SRRM1: variants seen among roughly 807,000 people sequenced by gnomAD.
SRRM1 encodes serine and arginine repetitive matrix 1, also known as serine/arginine repetitive matrix protein 1.
Under a neutral mutation model 110.2 loss-of-function variants are expected in SRRM1, and 19 were observed. The observed-to-expected ratio is 0.17, with a 90% CI of 0.12 to 0.25. The LOEUF (loss-of-function observed/expected upper bound fraction) is 0.25. Among genes scored for constraint, SRRM1 ranks in the 10% least tolerant of loss-of-function variants. The pLI is 1.00. For synonymous variants in SRRM1, 443 were observed against 414.9 expected, an observed-to-expected ratio of 1.07 and a Z score of -0.82; for missense variants, 918 against 1,145.8, an observed-to-expected ratio of 0.80 and a Z score of 2.87.
At chr1:24,644,652 AT>A (rs1345836649) in intron 1 of SRRM1, among the ~76,000 whole-genome samples, 1 of 152,190 alleles carries the variant, frequency 6.6e-6, no homozygotes, top group African/African-American at 2.4e-5. Flanking sequence ...AAACAGTAAG[AT>A]ACTTATTTTG....
chr1:24,658,644 T>A (rs534375349), intron 9 of SRRM1, among the ~76,000 whole-genome samples: 1 of 152,344 alleles, frequency 6.6e-6, no homozygotes, highest in African/African-American at 2.4e-5. Flanking sequence ...GGACATGCAC[T>A]TTTTAACGAC....
intron 9 of SRRM1, 75 bp from the exon 10 acceptor site, chr1:24,660,644 A>T (rs942847587): frequency 1.9e-5 from 13 of 683,836 alleles, no homozygotes; most frequent in Middle Eastern, 4.2e-4. Flanking sequence ...ATAAATTTTT[A>T]AAAATTAAAA....
chr1:24,643,523 C>T (rs1655105971), intron 1 of SRRM1, 176 bp downstream of exon 1: 2 of 515,602 alleles, frequency 3.9e-6, no homozygotes, highest in Non-Finnish European at 6.5e-6. Flanking sequence ...ACCGGTGCGC[C>T]CCTGCGCAGT....
At chr1:24,645,926 A>T in intron 1 of SRRM1, 58 bp from the exon 2 acceptor site, 1 of 1,466,154 alleles carries the variant, frequency 6.8e-7, no homozygotes. Context: ...GTCGTAGGTG[A>T]TAAAAAGTAA....
At position 24,651,412 on chromosome 1, in the gene SRRM1, C is replaced by G. The variant is rs753954414; in HGVS notation, c.525C>G (p.Arg175=). 7 of 1,613,264 alleles carry G rather than the reference C, an allele frequency of 4.3e-6. No homozygotes were observed. Among genetic ancestry groups the G allele is most frequent in the Non-Finnish European group, 5.9e-6 (7 of 1,179,660 alleles). Residue 175 remains arginine (R), a synonymous_variant, in exon 6 of 17, where the codon CGC becomes CGG. Transcript: ENST00000323848. ...AAAAAAATTACTTTCATCCTAGACG[C>G]AAATCCAGATCTCCTTCCCCTAGAA... ...KRERSRSPRR[R]KSRSPSPRRR... is the part of the protein sequence containing the mutation.
At chr1:24,651,359 C>T in intron 5 of SRRM1, 50 bp from the exon 6 acceptor site, 8 of 1,487,654 alleles carry the variant, frequency 5.4e-6, no homozygotes, top group Non-Finnish European at 7.4e-6. Flanking sequence ...TGACTCCTCT[C>T]TTCCAATCCA....
At chr1:24,651,266 A>G (rs1660504249) in intron 5 of SRRM1, 143 bp from the exon 6 acceptor site, 6 of 646,646 alleles carry the variant, frequency 9.3e-6, no homozygotes, top group Non-Finnish European at 5.4e-6. Context: ...CAAGTAGATT[A>G]GGTTAGCATG....
chr1:24,646,101 A>C (rs779032319), intron 2 of SRRM1, 28 bp downstream of exon 2: 5 of 1,517,892 alleles, frequency 3.3e-6, no homozygotes, highest in Admixed American at 1.7e-5. Context: ...ACTGTTGTGC[A>C]TCTTTATAGC....
chr1:24,667,430 A>AGATATCTCT (rs1670550681), intron 13 of SRRM1, among the ~76,000 whole-genome samples: 2 of 152,234 alleles, frequency 1.3e-5, no homozygotes. Flanking sequence ...GGATACTGGC[A>AGATATCTCT]GATATCTCTT....
At chr1:24,656,835 A>G (rs1195214012) in intron 9 of SRRM1, among the ~76,000 whole-genome samples, 1 of 152,220 alleles carries the variant, frequency 6.6e-6, no homozygotes, top group Non-Finnish European at 1.5e-5. Flanking sequence ...GTACTTTTAA[A>G]AAGCATCTGC....
At chr1:24,644,945 A>G (rs1431982697) in intron 1 of SRRM1, among the ~76,000 whole-genome samples, 1 of 152,204 alleles carries the variant, frequency 6.6e-6, no homozygotes, top group Non-Finnish European at 1.5e-5. Context: ...TTTAGTACAC[A>G]GCCTACAATT....
chr1:24,668,134 G>A (rs1349297956), intron 13 of SRRM1, among the ~76,000 whole-genome samples: 3 of 151,822 alleles, frequency 2.0e-5, no homozygotes, highest in Admixed American at 2.0e-4. Context: ...ACCACACCCA[G>A]CCAGTTTTTG....
intron 9 of SRRM1, 121 bp downstream of exon 9, chr1:24,655,250 T>C (rs1663360497): frequency 8.9e-7 from 1 of 1,123,936 alleles, no homozygotes; most frequent in East Asian, 2.5e-5. Flanking sequence ...TATCTAATAC[T>C]CTCTGTAGGT....
rs372366094 is a variant in SRRM1, at chr1:24,669,402, C to T, written c.2019C>T (p.Ala673=). 3 of 1,614,126 alleles carry T rather than the reference C, an allele frequency of 1.9e-6. No individual in the cohort carries two copies. The highest frequency in any genetic ancestry group is 2.5e-6 in the Non-Finnish European group (3 of 1,180,030). ...GSSPSRSTRE[A]RSPQPNKRHS... ...CCCCAAGCCGCTCTACCCGGGAGGC[C>T]CGATCACCACAACCAAACAAACGGC... Residue 673 remains alanine (A), a synonymous_variant, in exon 14 of 17, where the codon GCC becomes GCT. Coordinates refer to ENST00000323848, the MANE Select transcript of SRRM1 (RefSeq NM_005839.4).
intron 6 of SRRM1, 32 bp downstream of exon 6, chr1:24,651,644 C>A: frequency 1.3e-6 from 2 of 1,515,500 alleles, no homozygotes; most frequent in Admixed American, 1.8e-5. Flanking sequence ...TATAAATAAT[C>A]ACAATTTTAG....
chr1:24,658,441 A>T (rs1223923511), intron 9 of SRRM1, among the ~76,000 whole-genome samples: 5 of 152,166 alleles, frequency 3.3e-5, no homozygotes, highest in Admixed American at 1.3e-4. Context: ...TCAGGATGCA[A>T]CTCCAGATGT....
At chr1:24,662,246 G>A (rs1249936033) in intron 11 of SRRM1, among the ~76,000 whole-genome samples, 1 of 152,104 alleles carries the variant, frequency 6.6e-6, no homozygotes, top group Admixed American at 6.5e-5. Context: ...TCAGGAGTTC[G>A]AGACCAGCCT....
intron 12 of SRRM1, among the ~76,000 whole-genome samples, chr1:24,663,391 T>G (rs1668227318): frequency 6.6e-6 from 1 of 152,212 alleles, no homozygotes; most frequent in Non-Finnish European, 1.5e-5. Context: ...ACACATTAGA[T>G]TAATGATAGG....
chr1:24,651,667 T>C, intron 6 of SRRM1, 55 bp downstream of exon 6: 1 of 1,284,470 alleles, frequency 7.8e-7, no homozygotes. Flanking sequence ...TAATAGTGAC[T>C]GCAAATATGA....
Sources: allele counts gnomAD v4.1 joint callset (sites outside exome capture counted in the v4.1 genomes callset), GRCh38; gene constraint gnomAD v4.1.1; transcripts MANE v1.5; gene names NCBI Gene and HGNC (gene_info 2026-07-23, HGNC 2026-07-21).